The following ZRANB2 variants were observed in gnomAD, a reference collection of about 807,000 sequenced individuals.
ZRANB2 encodes the protein zinc finger RANBP2-type containing 2.
Under a neutral mutation model 53.4 loss-of-function variants are expected in ZRANB2, and 19 were observed. The ratio of observed to expected loss-of-function variants is 0.36; its 90% CI spans 0.25 to 0.52. The LOEUF (loss-of-function observed/expected upper bound fraction) is 0.52. ZRANB2 is among the 20% of genes least tolerant of loss of function. ZRANB2 has a pLI of 0.93. For synonymous variants in ZRANB2, 145 were observed against 134.8 expected, an observed-to-expected ratio of 1.08 and a Z score of -0.52; for missense variants, 309 against 401.1, an observed-to-expected ratio of 0.77 and a Z score of 1.96.
At chr1:71,067,196 CTTTT>C (rs1483690108) in intron 8 of ZRANB2, 2 of 271,854 alleles carry the variant, frequency 7.4e-6, no homozygotes, top group Non-Finnish European at 1.4e-5. Context: ...AGAATTTAAA[CTTTT>C]TTTAAGGCTT....
chr1:71,078,341 G>T (rs1175528334), intron 3 of ZRANB2, 116 bp downstream of exon 3: 3 of 807,336 alleles, frequency 3.7e-6, no homozygotes, highest in Non-Finnish European at 6.0e-6. Context: ...CAATACCTTG[G>T]ATTTAAAAGG....
chr1:71,071,939 C>T (rs1265313414), intron 6 of ZRANB2, among the ~76,000 whole-genome samples, 182 bp downstream of exon 6: 3 of 152,162 alleles, frequency 2.0e-5, no homozygotes, highest in African/African-American at 7.2e-5. Context: ...ACCACTGTAT[C>T]TCCAGAACAG....
chr1:71,071,775 T>G (rs9970600), intron 6 of ZRANB2, among the ~76,000 whole-genome samples: 13,052 of 152,250 alleles, frequency 0.086, 659 homozygotes, highest in South Asian at 0.14. Context: ...AGCTCAAACT[T>G]CACCTCCTTA....
intron 9 of ZRANB2, 128 bp downstream of exon 9, chr1:71,066,648 T>A (rs1661446896): frequency 1.0e-6 from 1 of 960,584 alleles, no homozygotes; most frequent in Non-Finnish European, 1.5e-6. Flanking sequence ...TTTTTTGAAG[T>A]TCAAAGTTGA....
At position 71,078,453 on chromosome 1, in the gene ZRANB2, A is replaced by T; in HGVS notation, c.218+4T>A. ...AAGAGCAGACAATAATTTAAAAAAC[A>T]TACGTTTTACATTGCCAGTCATTAG... On this transcript the variant is annotated splice_donor_region_variant and intron_variant, in intron 3 of 9. Transcript: ENST00000370920. 6.2e-7 allele frequency: 1 copy of T among 1,610,308 alleles called. No homozygotes were observed. The highest frequency in any genetic ancestry group is 8.5e-7 in the Non-Finnish European group (1 of 1,177,848).
rs539297945 is a variant in ZRANB2, at chr1:71,069,244, T to C, written c.770+32A>G. ...TCTGCAGCCTTTAAATATTTTTCTC[T>C]CTGCTTTACAGAGAGATGCTACCTC... On this transcript the variant is annotated intron_variant, in intron 8 of 9. Coordinates refer to ENST00000370920, the MANE Select transcript of ZRANB2 (RefSeq NM_203350.3). The C allele has an allele frequency of 3.8e-5, 58 of 1,541,100 alleles. No individual in the cohort carries two copies. In the Middle Eastern group the frequency reaches 1.0e-3, roughly 28 times the overall value.
Position 71,078,439 on chromosome 1 carries a change from A to AT in ZRANB2, c.218+17dup, listed in dbSNP as rs750814768. Reference sequence around the variant, plus strand: ...ATTATTTTGGAAGAAAGAGCAGACAATAATTTAAAAAACATACGTTTTACA... The same window carrying AT: ...ATTATTTTGGAAGAAAGAGCAGACAATTAATTTAAAAAACATACGTTTTACA... On this transcript the variant is annotated intron_variant, in intron 3 of 9. Transcript: ENST00000370920. 1.9e-6 allele frequency: 3 copies of AT among 1,601,972 alleles called. No individual in the cohort carries two copies. The South Asian group carries it at 3.3e-5, about 18-fold the overall frequency.
chr1:71,079,995 A>AT (rs900359623), intron 1 of ZRANB2, among the ~76,000 whole-genome samples: 1 of 152,146 alleles, frequency 6.6e-6, no homozygotes, highest in Non-Finnish European at 1.5e-5. Context: ...TCATGTTTTC[A>AT]TTAAAAAAAA....
intron 3 of ZRANB2, 87 bp downstream of exon 3, chr1:71,078,370 G>A: frequency 8.9e-7 from 1 of 1,121,448 alleles, no homozygotes; most frequent in Non-Finnish European, 1.3e-6. Context: ...GCTTGTCAAT[G>A]TCACTAATAA....
chr1:71,065,183 T>G (rs373641078), intron 9 of ZRANB2, 46 bp from the exon 10 acceptor site: 22 of 1,435,544 alleles, frequency 1.5e-5, no homozygotes, highest in Middle Eastern at 3.5e-4. Context: ...AAGCTAGAGC[T>G]AAATCTCAGC....
intron 9 of ZRANB2, 71 bp from the exon 10 acceptor site, chr1:71,065,208 CTG>C: frequency 3.2e-6 from 4 of 1,246,466 alleles, no homozygotes. Flanking sequence ...ATTCTTAAGA[CTG>C]TGAAAGTATA....
At position 71,064,876 on chromosome 1, in the gene ZRANB2, A is replaced by G. The variant is rs1318567970; in HGVS notation, c.*198T>C. On this transcript the variant is annotated 3_prime_UTR_variant, in exon 10 of 10. Transcript: ENST00000370920. ...GTAAATAATGAATGACAGAACATCT[A>G]TTTTGGGACATTATGGCTTAAAATG... is the stretch of plus-strand genomic sequence containing the variant. The G allele has an allele frequency of 4.2e-5, 19 of 451,684 alleles. No individual in the cohort carries two copies. The South Asian group carries it at 6.6e-4, about 16-fold the overall frequency. 28.0% of individuals were successfully genotyped at this position (451,684 alleles called of 1,614,324 possible).
At chr1:71,079,342 G>A (rs1046668278) in intron 1 of ZRANB2, among the ~76,000 whole-genome samples, 14 of 152,096 alleles carry the variant, frequency 9.2e-5, no homozygotes, top group African/African-American at 3.4e-4. Context: ...AAGACTTTAT[G>A]CTTATACTCA....
At chr1:71,075,854 A>AG (rs1197339520) in intron 4 of ZRANB2, among the ~76,000 whole-genome samples, 1 of 150,816 alleles carries the variant, frequency 6.6e-6, no homozygotes, top group African/African-American at 2.4e-5. Flanking sequence ...GGGGGGATCA[A>AG]GGACATTATG....
At chr1:71,073,697 T>C (rs1661643482) in intron 4 of ZRANB2, among the ~76,000 whole-genome samples, 1 of 151,974 alleles carries the variant, frequency 6.6e-6, no homozygotes, top group South Asian at 2.1e-4. Flanking sequence ...AAAAGTAATA[T>C]GACAAATATG....
At chr1:71,080,008 T>C (rs888835231) in intron 1 of ZRANB2, among the ~76,000 whole-genome samples, 8 of 152,258 alleles carry the variant, frequency 5.3e-5, no homozygotes, top group Admixed American at 1.3e-4. Context: ...AAAAAAAAAA[T>C]TCTATTCCTT....
intron 8 of ZRANB2, chr1:71,067,842 T>C (rs547426899): frequency 9.2e-6 from 3 of 326,818 alleles, no homozygotes; most frequent in Non-Finnish European, 1.8e-5. Context: ...TACTAAATAA[T>C]GGTAACAATA....
intron 2 of ZRANB2, 34 bp from the exon 3 acceptor site, chr1:71,078,599 G>A (rs1661764052): frequency 6.2e-7 from 1 of 1,610,668 alleles, no homozygotes; most frequent in Admixed American, 1.7e-5. Flanking sequence ...TATGAACCTG[G>A]AGAAATAAAT....
chr1:71,065,932 T>A, intron 9 of ZRANB2: 2 of 851,502 alleles, frequency 2.3e-6, no homozygotes, highest in Non-Finnish European at 1.7e-6. Context: ...TGTGAAATCT[T>A]AACATCTAAA....
Sources: gnomAD v4.1 joint callset for allele counts (sites outside exome capture counted in the v4.1 genomes callset) on GRCh38, gnomAD v4.1.1 for gene constraint, MANE v1.5 for transcripts, NCBI Gene and HGNC (gene_info 2026-07-23, HGNC 2026-07-21) for gene names.